The following PLXNA1 variants were observed in gnomAD, a reference collection of about 807,000 sequenced individuals.
The protein encoded by PLXNA1 is plexin-A1.
A neutral mutation model predicts 191.7 loss-of-function variants in PLXNA1; 77 were observed. The observed-to-expected ratio is 0.40, with a 90% CI of 0.33 to 0.49. PLXNA1 has a LOEUF of 0.49. Among genes scored for constraint, PLXNA1 ranks in the 20% least tolerant of loss-of-function variants. The probability of loss-of-function intolerance (pLI) is 0.63; values close to 1 mark genes in which losing one functional copy is unlikely to be tolerated. For synonymous variants in PLXNA1, 1,137 were observed against 1,156.4 expected (o/e 0.98, Z 0.34); for missense variants, 2,110 against 2,660.2 (o/e 0.79, Z 4.55).
chr3:127,025,920 T>G (rs1292769355), intron 23 of PLXNA1, among the ~76,000 whole-genome samples: 2 of 152,238 alleles, frequency 1.3e-5, no homozygotes, highest in Non-Finnish European at 2.9e-5. Context: ...TTGCTGTCTT[T>G]AGAAACAAAA....
intron 17 of PLXNA1, 68 bp downstream of exon 17, chr3:127,017,105 A>G: frequency 7.2e-7 from 1 of 1,395,270 alleles, no homozygotes; most frequent in Non-Finnish European, 1.0e-6. Context: ...CCTGCTAGGA[A>G]TACCCGTGTC....
At chr3:126,999,053 A>G (rs1296199010) in intron 3 of PLXNA1, among the ~76,000 whole-genome samples, 1 of 151,870 alleles carries the variant, frequency 6.6e-6, no homozygotes, top group Admixed American at 6.5e-5. Flanking sequence ...CAGCTGGAGG[A>G]GGGGGCAGTC....
chr3:127,018,550 C>A, intron 20 of PLXNA1, 22 bp downstream of exon 20: 1 of 1,573,698 alleles, frequency 6.4e-7, no homozygotes, highest in South Asian at 1.1e-5. Flanking sequence ...CCAGGGCTCA[C>A]TGGGGCAACT....
At position 127,022,324 on chromosome 3, in the gene PLXNA1, C is replaced by G; in HGVS notation, c.4278C>G (p.Pro1426=). The change falls in exon 22 of 32, where the codon CCC becomes CCG. Residue 1426 remains proline (P), a synonymous_variant. Transcript: ENST00000393409. ...AGAACCTGGAGAGCAAGAACCACCC[C>G]AAGCTGCTACTGCGCCGGTGAGCCT... The part of the protein sequence containing the change: ...IEKNLESKNH[P]KLLLRRTESV... The G allele has an allele frequency of 2.5e-6, 4 of 1,611,110 alleles. No homozygotes were observed. The highest frequency in any genetic ancestry group is 2.2e-5 in the East Asian group (1 of 44,796).
In PLXNA1 at chr3:127,004,965, C is replaced by G. The variant is rs1439606216; in HGVS notation, c.1700C>G (p.Thr567Ser). The part of the protein sequence containing the change: ...AADLLQCVQL[T>S]VQPRNVSVTM... ...GACCTGCTGCAGTGTGTGCAGCTGA[C>G]TGTGCAGCCCCGCAATGTGTCTGTC... Residue 567 changes from threonine to serine, a missense_variant, in exon 6 of 32, where the codon ACT becomes AGT. Physicochemically the swap from Thr to Ser is moderately conservative, Grantham distance 58 (BLOSUM62 1). Coordinates refer to ENST00000393409, the MANE Select transcript of PLXNA1 (RefSeq NM_032242.4). 1 of 1,610,246 alleles carries G rather than the reference C, an allele frequency of 6.2e-7. No homozygotes were observed. Among genetic ancestry groups the G allele is most frequent in the African/African-American group, 1.3e-5 (1 of 74,870 alleles).
chr3:127,032,635 C>T (rs9840115), intron 30 of PLXNA1, 36 bp downstream of exon 30: 306,785 of 1,608,638 alleles, frequency 0.19, 31,003 homozygotes, highest in African/African-American at 0.33. Context: ...GGCAGGGGCC[C>T]GGGGGCAGCC....
At chr3:127,022,854 A>G (rs1157438993) in intron 23 of PLXNA1, 36 bp downstream of exon 23, 1 of 1,561,746 alleles carries the variant, frequency 6.4e-7, no homozygotes, top group Admixed American at 1.7e-5. Flanking sequence ...TGTCAGAGGC[A>G]GGTGAACAGC....
intron 2 of PLXNA1, 48 bp downstream of exon 2, chr3:126,989,835 G>T: frequency 6.8e-7 from 1 of 1,481,424 alleles, no homozygotes; most frequent in South Asian, 1.3e-5. Context: ...ATCCCCTCCA[G>T]GGACGACGGC....
In PLXNA1 at chr3:126,991,526, CTG is replaced by C; in HGVS notation, c.1340_1341del (p.Val447GlyfsTer75). 6.2e-7 allele frequency: 1 copy of C among 1,605,278 alleles called. No individual in the cohort carries two copies. ...GCTGCCTATGACTATCGGGGCCGCACTGTGGTATTCGCCGGCACGCGAAGTGG... is the reference window on the plus strand; with the variant it reads ...GCTGCCTATGACTATCGGGGCCGCACTGGTATTCGCCGGCACGCGAAGTGG... On this transcript the variant is annotated frameshift_variant, in exon 3 of 32. Coordinates refer to ENST00000393409, the MANE Select transcript of PLXNA1 (RefSeq NM_032242.4). LOFTEE classifies it high-confidence loss of function.
rs2078976011 is a variant in PLXNA1 at position 126,989,089 on chromosome 3, G to A, written c.496G>A (p.Ala166Thr). The A allele has an allele frequency of 1.6e-5, 26 of 1,613,408 alleles. No individual in the cohort carries two copies. Among genetic ancestry groups the A allele is most frequent in the Non-Finnish European group, 2.1e-5 (25 of 1,180,032 alleles). Reference sequence around the variant, plus strand: ...GCACTACCTGTCCAGCGTGCAGGAGGCAGGCAGCATGGCGGGCGTGCTCAT... The same window carrying A: ...GCACTACCTGTCCAGCGTGCAGGAGACAGGCAGCATGGCGGGCGTGCTCAT... ...KEHYLSSVQE[A>T]GSMAGVLIAG... Residue 166 changes from alanine to threonine, a missense_variant, in exon 2 of 32, where the codon GCA becomes ACA. Coordinates refer to ENST00000393409, the MANE Select transcript of PLXNA1 (RefSeq NM_032242.4).
chr3:126,993,054 C>G (rs1453588506), intron 3 of PLXNA1, among the ~76,000 whole-genome samples: 1 of 152,164 alleles, frequency 6.6e-6, no homozygotes, highest in Admixed American at 6.5e-5. Context: ...CTAGCCCTAC[C>G]CTGTTCCTGC....
Position 127,014,486 on chromosome 3 carries a change from C to G in PLXNA1, c.2613C>G (p.Pro871=). ...GCCTCTGCCTCCCTCAGCTGTCCCC[C>G]GAGACGGGCCCGAGGCAGGGCGGCA... ...CTDPKILKLS[P]ETGPRQGGTR... The change falls in exon 13 of 32, where the codon CCC becomes CCG. Residue 871 remains proline, a synonymous_variant. Transcript: ENST00000393409. 1 of 1,602,780 alleles carries G rather than the reference C, an allele frequency of 6.2e-7. No homozygotes were observed. The highest frequency in any genetic ancestry group is 8.5e-7 in the Non-Finnish European group (1 of 1,179,532).
Position 127,011,972 on chromosome 3 carries a change from C to T in PLXNA1, c.2127C>T (p.Ile709=), listed in dbSNP as rs774594364. 2 of 1,613,434 alleles carry T rather than the reference C, an allele frequency of 1.2e-6. No individual in the cohort carries two copies. Among genetic ancestry groups the T allele is most frequent in the South Asian group, 2.2e-5 (2 of 91,082 alleles). ...CTTATCCCCAGGACTGCCCACAGAT[C>T]CTGCCCTCCACGCAGATCTACGTGC... is the stretch of plus-strand genomic sequence containing the variant. ...RVNVSEDCPQ[I]LPSTQIYVPV... The change falls in exon 10 of 32, where the codon ATC becomes ATT. Residue 709 remains isoleucine, a synonymous_variant. Coordinates refer to ENST00000393409, the MANE Select transcript of PLXNA1 (RefSeq NM_032242.4).
intron 9 of PLXNA1, among the ~76,000 whole-genome samples, chr3:127,011,237 C>T (rs1236961518): frequency 6.6e-6 from 1 of 152,214 alleles, no homozygotes; most frequent in Non-Finnish European, 1.5e-5. Flanking sequence ...CCCCAGTGGA[C>T]ACAGGAGCAT....
At chr3:127,029,734 G>A in intron 27 of PLXNA1, 140 bp from the exon 28 acceptor site, 1 of 1,125,842 alleles carries the variant, frequency 8.9e-7, no homozygotes, top group East Asian at 2.6e-5. Context: ...ACACAATTAT[G>A]CCACCTCTGT....
intron 23 of PLXNA1, among the ~76,000 whole-genome samples, chr3:127,025,364 T>C (rs7622204): frequency 0.4 from 61,451 of 152,122 alleles, 14,702 homozygotes; most frequent in African/African-American, 0.68. Context: ...TCGTAATCTA[T>C]TTTGAAGGTT....
At chr3:127,029,274 T>C (rs1040784551) in intron 26 of PLXNA1, among the ~76,000 whole-genome samples, 166 bp from the exon 27 acceptor site, 1 of 152,204 alleles carries the variant, frequency 6.6e-6, no homozygotes, top group Non-Finnish European at 1.5e-5. Flanking sequence ...CTTGTGGGAT[T>C]GCCTAGCATC....
In PLXNA1 at chr3:127,022,263, G is replaced by T; in HGVS notation, c.4217G>T (p.Gly1406Val). 6.2e-7 allele frequency: 1 copy of T among 1,613,546 alleles called. No individual in the cohort carries two copies. Among genetic ancestry groups the T allele is most frequent in the Non-Finnish European group, 8.5e-7 (1 of 1,179,968 alleles). ...CAGGGCGAGATGGAATACGCCACAG[G>T]CGTGCTCAAGCAGCTGCTTTCCGAC... ...ALQGEMEYAT[G>V]VLKQLLSDLI... Residue 1406 changes from glycine to valine, a missense_variant, in exon 22 of 32, where the codon GGC becomes GTC. This residue lies in a region of PLXNA1 where 559 missense variants were observed against 911.5 expected (regional missense o/e 0.61). Coordinates refer to ENST00000393409, the MANE Select transcript of PLXNA1 (RefSeq NM_032242.4).
intron 21 of PLXNA1, 88 bp from the exon 22 acceptor site, chr3:127,021,997 C>T: frequency 6.6e-7 from 1 of 1,523,198 alleles, no homozygotes; most frequent in Non-Finnish European, 8.8e-7. Flanking sequence ...CCTGCCTCAC[C>T]AGCCAGGCCT....
Sources: gnomAD v4.1 joint callset for allele counts (sites outside exome capture counted in the v4.1 genomes callset) on GRCh38, gnomAD v4.1.1 for gene constraint, gnomAD v4.1.1 regional missense constraint, MANE v1.5 for transcripts, NCBI Gene and HGNC (gene_info 2026-07-23, HGNC 2026-07-21) for gene names.